The following ALS2 variants were observed in gnomAD, a reference collection of about 807,000 sequenced individuals.
ALS2 encodes the protein alsin.
Under a neutral mutation model 203.4 loss-of-function variants are expected in ALS2, and 117 were observed. The observed-to-expected ratio is 0.58, with a 90% confidence interval of 0.50 to 0.67. The LOEUF (loss-of-function observed/expected upper bound fraction) is 0.67, where lower values mean the gene tolerates loss of function less well. Ranked by LOEUF, ALS2 falls within the 30% of genes least tolerant of loss-of-function variation. ALS2 has a pLI of 0.00. For synonymous variants in ALS2, 718 were observed against 725.9 expected (o/e 0.99, Z 0.17); for missense variants, 1,715 against 1,989.4 (o/e 0.86, Z 2.62).
At chr2:201,750,585 G>A (rs566173567) in intron 7 of ALS2, among the ~76,000 whole-genome samples, 2,385 of 113,140 alleles carry the variant, frequency 0.021, 32 homozygotes, top group Non-Finnish European at 0.039. Context: ...CGACACTACA[G>A]ACAAAAGAAA....
At chr2:201,770,910 A>T (rs759662980) in intron 1 of ALS2, among the ~76,000 whole-genome samples, 2 of 152,258 alleles carry the variant, frequency 1.3e-5, no homozygotes, top group Non-Finnish European at 2.9e-5. Context: ...ACAGACTTTC[A>T]GCCCACAGAA....
chr2:201,729,643 G>A (rs1362236214), intron 13 of ALS2, among the ~76,000 whole-genome samples: 1 of 152,062 alleles, frequency 6.6e-6, no homozygotes, highest in East Asian at 1.9e-4. Flanking sequence ...CACTTTGGGA[G>A]GCCGAGGCAG....
chr2:201,754,692 G>T (rs751669721), intron 5 of ALS2, 21 bp from the exon 6 acceptor site: 3 of 1,613,330 alleles, frequency 1.9e-6, no homozygotes, highest in Non-Finnish European at 2.5e-6. Context: ...ACCAGACGTG[G>T]GGTGAAGGAG....
At chr2:201,779,224 AGT>A in intron 1 of ALS2, among the ~76,000 whole-genome samples, 1 of 152,348 alleles carries the variant, frequency 6.6e-6, no homozygotes, top group Non-Finnish European at 1.5e-5. Flanking sequence ...ACATTTAAAA[AGT>A]AAATGGCCTG....
intron 5 of ALS2, 125 bp from the exon 6 acceptor site, chr2:201,754,796 G>A: frequency 9.7e-7 from 1 of 1,029,538 alleles, no homozygotes; most frequent in Non-Finnish European, 1.4e-6. Flanking sequence ...GCATATTCTA[G>A]AGGCTCTCTG....
rs1014180676 is a variant in ALS2 at position 201,700,647 on chromosome 2, T to C, written c.*1204A>G. 1 of 152,644 alleles carries C rather than the reference T, an allele frequency of 6.6e-6. No individual in the cohort carries two copies. The highest frequency in any genetic ancestry group is 6.5e-5 in the Admixed American group (1 of 15,272). The allele number at this position is 152,644 out of a possible 1,614,324, so 9.5% of individuals were successfully genotyped here. A position where few individuals can be genotyped will look rare whatever the true frequency, so the allele number is the denominator to read the frequency against. ...ATAAACACTTGTCTTGATTATAAAG[T>C]AGAGCAAAAACCATGATCCTTTTTC... On this transcript the variant is annotated 3_prime_UTR_variant, in exon 34 of 34. Coordinates refer to ENST00000264276, the MANE Select transcript of ALS2 (RefSeq NM_020919.4).
chr2:201,731,803 AAAGT>A (rs912727853), intron 13 of ALS2, among the ~76,000 whole-genome samples: 1 of 152,190 alleles, frequency 6.6e-6, no homozygotes, highest in African/African-American at 2.4e-5. Flanking sequence ...ATAGAGAAAG[AAAGT>A]GTTAGCAAAA....
At chr2:201,723,915 G>A (rs1431130678) in intron 21 of ALS2, among the ~76,000 whole-genome samples, 3 of 152,050 alleles carry the variant, frequency 2.0e-5, no homozygotes, top group Non-Finnish European at 2.9e-5. Context: ...CCAGGAGTTC[G>A]AGACCAGCCT....
Position 201,749,808 on chromosome 2 carries a change from A to G in ALS2, c.1738-19T>C. On this transcript the variant is annotated intron_variant, in intron 7 of 33. Transcript: ENST00000264276. The stretch of plus-strand genomic sequence containing the variant: ...AGTAAACCTATCAAAAAAACACAGA[A>G]AAGTAGCTAAGCGTTGTGAATCTGA... 1 of 1,604,408 alleles carries G rather than the reference A, an allele frequency of 6.2e-7. No individual in the cohort carries two copies. The highest frequency in any genetic ancestry group is 8.5e-7 in the Non-Finnish European group (1 of 1,171,236).
chr2:201,717,268 C>A (rs907118475), intron 24 of ALS2, among the ~76,000 whole-genome samples: 1 of 151,828 alleles, frequency 6.6e-6, no homozygotes, highest in South Asian at 2.1e-4. Flanking sequence ...AGTTCGAGAC[C>A]AGCCTGGCCA....
intron 17 of ALS2, 138 bp from the exon 18 acceptor site, chr2:201,727,004 G>A: frequency 1.1e-6 from 1 of 891,972 alleles, no homozygotes; most frequent in Non-Finnish European, 1.8e-6. Flanking sequence ...ATATTGACTG[G>A]CTCTTGTATT....
At chr2:201,730,036 C>A (rs1691460505) in intron 13 of ALS2, among the ~76,000 whole-genome samples, 1 of 151,968 alleles carries the variant, frequency 6.6e-6, no homozygotes, top group South Asian at 2.1e-4. Context: ...TTGGTTAAAA[C>A]CTATGAAGAA....
At chr2:201,713,076 T>C (rs1376521401) in intron 25 of ALS2, among the ~76,000 whole-genome samples, 2 of 152,126 alleles carry the variant, frequency 1.3e-5, no homozygotes, top group East Asian at 3.9e-4. Flanking sequence ...TTGATAAGTT[T>C]TCAACCATTA....
At chr2:201,744,710 A>G (rs1468297468) in intron 9 of ALS2, among the ~76,000 whole-genome samples, 1 of 152,136 alleles carries the variant, frequency 6.6e-6, no homozygotes, top group African/African-American at 2.4e-5. Flanking sequence ...AGATCTATAC[A>G]TAACTATACA....
chr2:201,725,162 T>C (rs1432528470), intron 20 of ALS2, among the ~76,000 whole-genome samples, 194 bp downstream of exon 20: 1 of 151,990 alleles, frequency 6.6e-6, no homozygotes, highest in African/African-American at 2.4e-5. Flanking sequence ...TAATCCAGTA[T>C]TTTAATCCTG....
intron 11 of ALS2, among the ~76,000 whole-genome samples, chr2:201,739,337 C>A (rs537624975): frequency 2.7e-5 from 4 of 150,870 alleles, no homozygotes; most frequent in African/African-American, 9.8e-5. Context: ...ATCTACCAAG[C>A]AATATCTATT....
At chr2:201,771,708 C>T (rs1277026966) in intron 1 of ALS2, among the ~76,000 whole-genome samples, 1 of 152,172 alleles carries the variant, frequency 6.6e-6, no homozygotes, top group Non-Finnish European at 1.5e-5. Flanking sequence ...ATTCAAATTT[C>T]TGTATGTTAT....
intron 1 of ALS2, among the ~76,000 whole-genome samples, chr2:201,779,609 T>C (rs886288060): frequency 6.6e-6 from 1 of 152,180 alleles, no homozygotes; most frequent in African/African-American, 2.4e-5. Context: ...ACAGCTAATA[T>C]GTATTGAATA....
chr2:201,749,912 A>G, intron 7 of ALS2, 123 bp from the exon 8 acceptor site: 2 of 770,594 alleles, frequency 2.6e-6, no homozygotes, highest in Non-Finnish European at 4.6e-6. Flanking sequence ...AAGTACTTAT[A>G]TTAGTCTTTC....
Sources: allele counts gnomAD v4.1 joint callset (sites outside exome capture counted in the v4.1 genomes callset), GRCh38; gene constraint gnomAD v4.1.1; transcripts MANE v1.5; gene names NCBI Gene and HGNC (gene_info 2026-07-23, HGNC 2026-07-21).